Variants in DTNA observed in about 807,000 individuals in gnomAD.
DTNA encodes the protein dystrobrevin alpha.
DTNA carries 43 observed loss-of-function variants against 100.7 expected under a neutral mutation model. That is an observed-to-expected ratio of 0.43 (90% CI 0.33 to 0.55). The LOEUF is 0.55. DTNA is among the 20% of genes least tolerant of loss of function. DTNA has a pLI of 0.04. For missense variants in DTNA, 798 were observed against 953.9 expected, an observed-to-expected ratio of 0.84 and a Z score of 2.15; for synonymous variants, 349 against 347.9, an observed-to-expected ratio of 1.00 and a Z score of -0.04.
At chr18:34,736,538 G>A (rs1192292840) in intron 1 of DTNA, among the ~76,000 whole-genome samples, 2 of 152,064 alleles carry the variant, frequency 1.3e-5, no homozygotes, top group Non-Finnish European at 2.9e-5. Context: ...CAAATTCCAG[G>A]TTCTAAAACT....
chr18:34,529,417 A>C (rs75371644), intron 1 of DTNA, among the ~76,000 whole-genome samples: 2 of 152,140 alleles, frequency 1.3e-5, no homozygotes, highest in African/African-American at 2.4e-5. Flanking sequence ...AAATAAAGCC[A>C]AAAGAACACA....
intron 16 of DTNA, among the ~76,000 whole-genome samples, chr18:34,862,981 T>G (rs1005981623): frequency 1.3e-5 from 2 of 152,232 alleles, no homozygotes; most frequent in African/African-American, 2.4e-5. Context: ...AGACTAGCCA[T>G]ATCCATTTAT....
intron 1 of DTNA, among the ~76,000 whole-genome samples, chr18:34,669,974 G>C (rs1378498384): frequency 2.6e-5 from 4 of 152,190 alleles, no homozygotes; most frequent in Non-Finnish European, 5.9e-5. Flanking sequence ...ATGTTGGCCT[G>C]CCTTGCTAGG....
At chr18:34,826,183 C>T (rs190360046) in intron 9 of DTNA, among the ~76,000 whole-genome samples, 1 of 152,172 alleles carries the variant, frequency 6.6e-6, no homozygotes, top group East Asian at 1.9e-4. Context: ...TAGTTTAGCA[C>T]CAGCTACCTT....
rs1439274679 is a variant in DTNA, at chr18:34,744,799, G to A, written c.-1-11177G>A. The stretch of plus-strand genomic sequence containing the variant: ...GTTATGCTTTAGCCTATGTCCGTGT[G>A]TGTCTGTGTGGGCAGTGCCCCACAA... On this transcript the variant is annotated intron_variant, in intron 1 of 22. Coordinates refer to ENST00000444659, the MANE Select transcript of DTNA (RefSeq NM_001386795.1). 3.9e-5 allele frequency among the ~76,000 whole-genome samples: 6 copies of A among 152,266 alleles called. No homozygotes were observed. The East Asian group carries it at 7.7e-4, about 20-fold the overall frequency.
intron 4 of DTNA, among the ~76,000 whole-genome samples, chr18:34,800,958 G>A (rs186604959): frequency 7.9e-5 from 12 of 152,170 alleles, no homozygotes; most frequent in African/African-American, 2.9e-4. Context: ...AAGATTATGG[G>A]AAACCCAGGG....
chr18:34,607,971 C>T (rs868856997), intron 1 of DTNA, among the ~76,000 whole-genome samples: 2 of 152,180 alleles, frequency 1.3e-5, no homozygotes, highest in African/African-American at 4.8e-5. Flanking sequence ...AGGATTATAA[C>T]AGTGCTTGAT....
chr18:34,734,672 A>T (rs2147458810), intron 1 of DTNA, among the ~76,000 whole-genome samples: 2 of 152,200 alleles, frequency 1.3e-5, no homozygotes, highest in Middle Eastern at 6.8e-3. Flanking sequence ...TTTTCTTTCA[A>T]CACTTTGTCC....
In DTNA at chr18:34,783,029, A is replaced by C. The variant is rs78644647; in HGVS notation, c.149-11008A>C. 5.7e-3 allele frequency among the ~76,000 whole-genome samples: 869 copies of C among 152,336 alleles called. 7 individuals are homozygous for C. The highest frequency in any genetic ancestry group is 0.02 in the African/African-American group (828 of 41,570). On this transcript the variant is annotated intron_variant, in intron 3 of 22. Coordinates refer to ENST00000444659, the MANE Select transcript of DTNA (RefSeq NM_001386795.1). Reference sequence around the variant, plus strand: ...AAAATGACTGTCCACAGGAGAAATAAGATACAAGATTTTCTTGCTTCTAAA... The same window carrying C: ...AAAATGACTGTCCACAGGAGAAATACGATACAAGATTTTCTTGCTTCTAAA...
At chr18:34,839,173 A>G (rs1024661251) in intron 13 of DTNA, among the ~76,000 whole-genome samples, 3 of 152,194 alleles carry the variant, frequency 2.0e-5, no homozygotes, top group African/African-American at 7.2e-5. Flanking sequence ...GATGGTGATA[A>G]AAGAATTTGT....
At chr18:34,553,973 T>A (rs922900527) in intron 1 of DTNA, among the ~76,000 whole-genome samples, 1 of 149,326 alleles carries the variant, frequency 6.7e-6, no homozygotes, top group African/African-American at 2.5e-5. Flanking sequence ...TTGGGCAGTA[T>A]GGCCATTTTC....
intron 3 of DTNA, among the ~76,000 whole-genome samples, chr18:34,777,156 A>AT (rs1199915254): frequency 6.6e-6 from 1 of 152,154 alleles, no homozygotes; most frequent in Non-Finnish European, 1.5e-5. Context: ...CTTAGTTGTT[A>AT]TGTTTATTAC....
chr18:34,640,848 GT>G (rs1480174334), intron 1 of DTNA, among the ~76,000 whole-genome samples: 1 of 152,116 alleles, frequency 6.6e-6, no homozygotes, highest in Non-Finnish European at 1.5e-5. Flanking sequence ...GCAAAGGTTT[GT>G]TTTTTTCTTA....
intron 1 of DTNA, among the ~76,000 whole-genome samples, chr18:34,522,957 A>T (rs1051193450): frequency 6.6e-6 from 1 of 152,266 alleles, no homozygotes; most frequent in Admixed American, 6.5e-5. Context: ...AGAAAGGCTG[A>T]GTTATAAACT....
chr18:34,836,647 C>CAA (rs749690995), intron 11 of DTNA, among the ~76,000 whole-genome samples: 201 of 51,386 alleles, frequency 3.9e-3, no homozygotes, highest in African/African-American at 9.6e-3. Flanking sequence ...GACTCTGTCT[C>CAA]AAAAAAAAAA....
chr18:34,548,291 T>C (rs2045022990), intron 1 of DTNA, among the ~76,000 whole-genome samples: 1 of 152,088 alleles, frequency 6.6e-6, no homozygotes, highest in Non-Finnish European at 1.5e-5. Context: ...CTCTGGTAAT[T>C]CACACAGGTT....
chr18:34,627,702 C>G (rs1011112553), intron 1 of DTNA, among the ~76,000 whole-genome samples: 1 of 152,242 alleles, frequency 6.6e-6, no homozygotes, highest in Admixed American at 6.5e-5. Flanking sequence ...CCTTGAGTTC[C>G]TGAGTCAGGG....
intron 6 of DTNA, among the ~76,000 whole-genome samples, chr18:34,814,535 T>A (rs2095554044): frequency 1.3e-5 from 2 of 149,300 alleles, no homozygotes; most frequent in Non-Finnish European, 1.5e-5. Context: ...AAAAAAAAAA[T>A]TAAACAATTA....
rs538114587 is a variant in DTNA at position 34,510,856 on chromosome 18, A to G, written c.-2+17342A>G. Among the ~76,000 whole-genome samples the G allele has an allele frequency of 3.9e-5, 6 of 152,130 alleles. No homozygotes were observed. In the South Asian group the frequency reaches 1.0e-3, roughly 26 times the overall value. On this transcript the variant is annotated intron_variant, in intron 1 of 19. Coordinates refer to the DTNA transcript ENST00000283365. ...GGCAACTTTTAAAAAATCAGAATGCATGGATCTCATCCCCTAGTTTCCCAC... is the reference window on the plus strand; with the variant it reads ...GGCAACTTTTAAAAAATCAGAATGCGTGGATCTCATCCCCTAGTTTCCCAC...
Sources: gnomAD v4.1 joint callset for allele counts (sites outside exome capture counted in the v4.1 genomes callset) on GRCh38, gnomAD v4.1.1 for gene constraint, MANE v1.5 for transcripts, NCBI Gene and HGNC (gene_info 2026-07-23, HGNC 2026-07-21) for gene names.